Variants in SUMF1 observed in about 807,000 individuals in gnomAD.
SUMF1 encodes formylglycine-generating enzyme.
SUMF1 carries 48 observed loss-of-function variants against 47.6 expected under a neutral mutation model. That is an observed-to-expected ratio of 1.01 (90% CI 0.80 to 1.28). The LOEUF (loss-of-function observed/expected upper bound fraction) is 1.28. SUMF1 is among the 50% of genes most tolerant of loss of function. The pLI is 0.00. For missense variants in SUMF1, 571 were observed against 485.4 expected, an observed-to-expected ratio of 1.18 and a Z score of -1.66; for synonymous variants, 230 against 192.1, an observed-to-expected ratio of 1.20 and a Z score of -1.63.
Position 4,146,879 on chromosome 3 carries a change from T to C in SUMF1, c.1015-78134A>G, listed in dbSNP as rs544636837. On this transcript the variant is annotated intron_variant and NMD_transcript_variant, in intron 8 of 12. Transcript: ENST00000448413. ...AAGGACATGAACTCATCATTTTTTA[T>C]GGCTGCATAGTATTCCATGGTGTAT... is the stretch of plus-strand genomic sequence containing the variant. 1.6e-4 allele frequency among the ~76,000 whole-genome samples: 24 copies of C among 152,300 alleles called. 2 individuals carry two copies. Among genetic ancestry groups the C allele is most frequent in the Admixed American group, 1.1e-3 (17 of 15,290 alleles).
chr3:4,403,561 ACG>A (rs1169105841), intron 7 of SUMF1, among the ~76,000 whole-genome samples: 3 of 152,148 alleles, frequency 2.0e-5, no homozygotes, highest in Non-Finnish European at 2.9e-5. Context: ...GGCAGGGGAG[ACG>A]CGACAACTGT....
chr3:4,452,933 A>T lies in SUMF1; in HGVS notation c.387T>A (p.Tyr129Ter), dbSNP rs1290832952. 1 of 1,614,220 alleles carries T rather than the reference A, an allele frequency of 6.2e-7. No individual in the cohort carries two copies. Among genetic ancestry groups the T allele is most frequent in the Admixed American group, 1.7e-5 (1 of 60,026 alleles). Residue 129 changes from tyrosine (Y) to a stop codon, truncating the protein, a stop_gained, in exon 2 of 9, where the codon TAT becomes TAA. Transcript: ENST00000272902. LOFTEE classifies it high-confidence loss of function. ...TCTCAAATTCAGTATTACTGACTTC[A>T]TAGGCATCCATGTAAAAGGCATCAA... is the stretch of plus-strand genomic sequence containing the variant. ...VTIDAFYMDA[Y>*]EVSNTEFEKF...
intron 8 of SUMF1, among the ~76,000 whole-genome samples, chr3:4,321,601 AAGT>A (rs1698835964): frequency 6.6e-6 from 1 of 152,126 alleles, no homozygotes; most frequent in Non-Finnish European, 1.5e-5. Context: ...ATAATAAATA[AAGT>A]AGTACTGGAT....
At chr3:4,191,117 C>G (rs1695306190) in intron 8 of SUMF1, among the ~76,000 whole-genome samples, 2 of 152,140 alleles carry the variant, frequency 1.3e-5, no homozygotes, top group Non-Finnish European at 2.9e-5. Flanking sequence ...AGAATCAAGC[C>G]TGAACATTCT....
At chr3:4,080,644 T>G (rs1692539377) in intron 8 of SUMF1, among the ~76,000 whole-genome samples, 1 of 152,124 alleles carries the variant, frequency 6.6e-6, no homozygotes, top group Non-Finnish European at 1.5e-5. Context: ...GACTTAACAT[T>G]AATCACACAG....
intron 7 of SUMF1, among the ~76,000 whole-genome samples, chr3:4,386,706 T>A (rs1339979740): frequency 6.6e-6 from 1 of 152,082 alleles, no homozygotes; most frequent in East Asian, 1.9e-4. Context: ...GCACTTGGTC[T>A]TTTACCATTA....
intron 9 of SUMF1, among the ~76,000 whole-genome samples, chr3:4,049,858 G>C (rs1035632189): frequency 6.6e-6 from 1 of 152,112 alleles, no homozygotes; most frequent in Non-Finnish European, 1.5e-5. Flanking sequence ...GAATGTGGGG[G>C]TATTATTGAG....
intron 8 of SUMF1, chr3:4,313,884 CCAT>C (rs762109435): frequency 1.3e-6 from 2 of 1,488,196 alleles, no homozygotes; most frequent in Non-Finnish European, 1.8e-6. Context: ...TGCAAGTTGT[CCAT>C]CAGTATCCTT....
At chr3:4,395,228 C>A (rs772193764) in intron 7 of SUMF1, among the ~76,000 whole-genome samples, 5 of 152,142 alleles carry the variant, frequency 3.3e-5, no homozygotes, top group African/African-American at 4.8e-5. Flanking sequence ...GCTTATCTCA[C>A]CCCCGTGCCT....
intron 8 of SUMF1, among the ~76,000 whole-genome samples, chr3:4,353,840 A>G (rs1014297044): frequency 6.6e-4 from 100 of 150,528 alleles, no homozygotes; most frequent in African/African-American, 2.3e-3. Flanking sequence ...CTTGGACATC[A>G]TATTGATTTT....
intron 7 of SUMF1, among the ~76,000 whole-genome samples, chr3:4,387,521 A>G (rs1339537534): frequency 6.6e-6 from 1 of 151,950 alleles, no homozygotes; most frequent in Non-Finnish European, 1.5e-5. Flanking sequence ...TCAATTTTAT[A>G]AATCTTTTCA....
rs191895445 is a variant in SUMF1, at chr3:4,435,906, G to A, written c.519+13360C>T. Among the ~76,000 whole-genome samples the A allele has an allele frequency of 2.1e-3, 316 of 152,306 alleles. 1 individual carries two copies. The highest frequency in any genetic ancestry group is 6.8e-3 in the Middle Eastern group (2 of 294). ...TTTAGGCTGAAGAGAAATGATACCA[G>A]AAGGAAACATGGAACTTTAGGAATG... On this transcript the variant is annotated intron_variant, in intron 3 of 8. Transcript: ENST00000272902.
chr3:4,167,375 T>G (rs1404624408), intron 8 of SUMF1, among the ~76,000 whole-genome samples: 1 of 152,170 alleles, frequency 6.6e-6, no homozygotes, highest in Non-Finnish European at 1.5e-5. Context: ...TGTGACTGGC[T>G]ACTCTTAGAC....
At chr3:4,247,122 G>A (rs1255109144) in intron 8 of SUMF1, among the ~76,000 whole-genome samples, 1 of 152,168 alleles carries the variant, frequency 6.6e-6, no homozygotes, top group Non-Finnish European at 1.5e-5. Context: ...ACAAGGCAAA[G>A]GAGGCATATT....
chr3:4,457,065 T>TGTGTGTAC (rs2079675923), intron 1 of SUMF1, among the ~76,000 whole-genome samples: 1 of 119,166 alleles, frequency 8.4e-6, no homozygotes, highest in Non-Finnish European at 2.0e-5. Context: ...TGTGTATATA[T>TGTGTGTAC]ATATATATAC....
intron 3 of SUMF1, among the ~76,000 whole-genome samples, chr3:4,427,174 A>C (rs1389728296): frequency 2.0e-5 from 3 of 152,258 alleles, no homozygotes; most frequent in Non-Finnish European, 4.4e-5. Flanking sequence ...ATAATTATGC[A>C]TACTCAAGTG....
intron 1 of SUMF1, among the ~76,000 whole-genome samples, chr3:4,463,133 G>A (rs866671037): frequency 6.6e-6 from 1 of 152,186 alleles, no homozygotes; most frequent in Non-Finnish European, 1.5e-5. Context: ...AGGCACGTGG[G>A]GGATATAGAG....
chr3:4,217,514 T>TATATATATATATATTATATATTATATATA, intron 8 of SUMF1, among the ~76,000 whole-genome samples: 1 of 45,200 alleles, frequency 2.2e-5, no homozygotes, highest in African/African-American at 1.0e-4. Flanking sequence ...AAAGTATTTT[T>TATATATATATATATTATATATTATATATA]TATATATATA....
At chr3:4,266,284 G>A (rs1031367943) in intron 8 of SUMF1, among the ~76,000 whole-genome samples, 2 of 152,174 alleles carry the variant, frequency 1.3e-5, no homozygotes, top group African/African-American at 4.8e-5. Flanking sequence ...TTGGTAGCTT[G>A]ATGGGGATGG....
Sources: gnomAD v4.1 joint callset for allele counts (sites outside exome capture counted in the v4.1 genomes callset) on GRCh38, gnomAD v4.1.1 for gene constraint, MANE v1.5 for transcripts, NCBI Gene and HGNC (gene_info 2026-07-23, HGNC 2026-07-21) for gene names.